ARID5A: variants seen among roughly 807,000 people sequenced by gnomAD.
ARID5A encodes the protein AT-rich interaction domain 5A, also known as AT-rich interactive domain-containing protein 5A.
ARID5A carries 14 observed loss-of-function variants against 30.5 expected under a neutral mutation model. The observed-to-expected ratio is 0.46, with a 90% CI of 0.30 to 0.72. The LOEUF (loss-of-function observed/expected upper bound fraction) is 0.72, where lower values mean the gene tolerates loss of function less well. Ranked by LOEUF, ARID5A falls within the 30% of genes least tolerant of loss-of-function variation. The pLI is 0.07. For synonymous variants in ARID5A, 338 were observed against 340.4 expected (o/e 0.99, Z 0.08); for missense variants, 669 against 786.2 (o/e 0.85, Z 1.78).
rs2104702454 is a variant in ARID5A, at chr2:96,549,852, G to A, written c.312+47G>A. The A allele has an allele frequency of 6.3e-7, 1 of 1,595,102 alleles. No homozygotes were observed. The highest frequency in any genetic ancestry group is 8.5e-7 in the Non-Finnish European group (1 of 1,169,696). On this transcript the variant is annotated intron_variant, in intron 4 of 6. Coordinates refer to ENST00000357485, the MANE Select transcript of ARID5A (RefSeq NM_212481.3). The surrounding 1 kb of genome is among the most constrained non-coding windows in gnomAD (Gnocchi z 6.1). ...CCTTGCCAAACTGCATATCCCTGGGGTGAGCCTGCAGCGCTGTCCTTGCCT... is the reference window on the plus strand; with the variant it reads ...CCTTGCCAAACTGCATATCCCTGGGATGAGCCTGCAGCGCTGTCCTTGCCT...
Position 96,552,004 on chromosome 2 carries a change from G to C in ARID5A, c.1476G>C (p.Leu492=), listed in dbSNP as rs1003761435. The C allele has an allele frequency of 2.0e-6, 3 of 1,522,904 alleles. No individual in the cohort carries two copies. In the African/African-American group the frequency reaches 4.2e-5, roughly 21 times the overall value. 94.3% of individuals were successfully genotyped at this position (1,522,904 alleles called of 1,614,324 possible). Residue 492 remains leucine, a synonymous_variant, in exon 7 of 7, where the codon CTG becomes CTC. Transcript: ENST00000357485. Reference sequence around the variant, plus strand: ...TCTCCTGCCTTCTGGGCCCAGCCCTGGGGCCTGTGCCCCCAGAGGCCTACA... The same window carrying C: ...TCTCCTGCCTTCTGGGCCCAGCCCTCGGGCCTGTGCCCCCAGAGGCCTACA... ...GLVSCLLGPA[L]GPVPPEAYRG...
intron 1 of ARID5A, among the ~76,000 whole-genome samples, chr2:96,542,024 G>A (rs1279335307): frequency 6.6e-6 from 1 of 152,210 alleles, no homozygotes; most frequent in African/African-American, 2.4e-5. Flanking sequence ...CTGCCTGCCT[G>A]GCTCCCAGCT....
rs764750028 is a variant in ARID5A, at chr2:96,552,160, C to G, written c.1632C>G (p.Pro544=). Residue 544 remains proline (P), a synonymous_variant, in exon 7 of 7, where the codon CCC becomes CCG. Coordinates refer to ENST00000357485, the MANE Select transcript of ARID5A (RefSeq NM_212481.3). Reference sequence around the variant, plus strand: ...CCCACTTCCTGGCCACCGCAGGCCCCTCGCCCATGGCCGCTGGCCTGATGC... The same window carrying G: ...CCCACTTCCTGGCCACCGCAGGCCCGTCGCCCATGGCCGCTGGCCTGATGC... ...FPAHFLATAG[P]SPMAAGLMHF... 4.3e-6 allele frequency: 7 copies of G among 1,613,108 alleles called. No individual in the cohort carries two copies. Among genetic ancestry groups the G allele is most frequent in the African/African-American group, 1.3e-5 (1 of 74,954 alleles).
intron 1 of ARID5A, among the ~76,000 whole-genome samples, chr2:96,540,471 G>A (rs1306129961): frequency 6.6e-6 from 1 of 152,136 alleles, no homozygotes; most frequent in African/African-American, 2.4e-5. Flanking sequence ...TGAGGAAATC[G>A]CAGGGGGGCT....
At chr2:96,547,359 C>G in intron 1 of ARID5A, 43 bp from the exon 2 acceptor site, 1 of 1,552,384 alleles carries the variant, frequency 6.4e-7, no homozygotes, top group Non-Finnish European at 8.9e-7. Flanking sequence ...CATATGCTCT[C>G]TCCCCACCCC....
chr2:96,545,445 C>T (rs373807630), intron 1 of ARID5A, among the ~76,000 whole-genome samples: 3 of 151,992 alleles, frequency 2.0e-5, no homozygotes, highest in African/African-American at 4.8e-5. Context: ...CGTGAGCCAC[C>T]GCGCCCATCC....
intron 1 of ARID5A, among the ~76,000 whole-genome samples, chr2:96,543,462 G>A (rs1351004792): frequency 1.3e-5 from 2 of 151,832 alleles, no homozygotes; most frequent in Non-Finnish European, 1.5e-5. Flanking sequence ...TTTGTGTCTC[G>A]GTGTCACATT....
intron 1 of ARID5A, among the ~76,000 whole-genome samples, chr2:96,546,024 A>C (rs1022532424): frequency 2.0e-5 from 3 of 152,054 alleles, no homozygotes; most frequent in African/African-American, 7.2e-5. Flanking sequence ...TGCCACAGTC[A>C]CCCCAGCCCA....
intron 2 of ARID5A, among the ~76,000 whole-genome samples, chr2:96,548,802 C>A: frequency 6.6e-6 from 1 of 152,234 alleles, no homozygotes; most frequent in East Asian, 1.9e-4. Flanking sequence ...TCCCTGTGCT[C>A]AGCACGGCAG....
intron 1 of ARID5A, among the ~76,000 whole-genome samples, chr2:96,542,918 G>A (rs1262573090): frequency 5.3e-5 from 8 of 152,128 alleles, no homozygotes; most frequent in Non-Finnish European, 1.5e-5. Flanking sequence ...AGGAATTCAC[G>A]GATAGCTAGC....
At chr2:96,538,037 A>G (rs1409282271) in intron 1 of ARID5A, 4 of 985,244 alleles carry the variant, frequency 4.1e-6, no homozygotes, top group Non-Finnish European at 3.6e-6. Flanking sequence ...TCGGGGCTCG[A>G]GGGCTTCACC....
At chr2:96,536,890 G>T in intron 1 of ARID5A, 60 bp downstream of exon 1, 3 of 1,224,390 alleles carry the variant, frequency 2.5e-6, no homozygotes, top group Non-Finnish European at 3.1e-6. Flanking sequence ...GGAGGTTCAA[G>T]GTGCCGGCGC....
chr2:96,549,991 T>C lies in ARID5A; in HGVS notation c.312+186T>C. 1 of 1,534,910 alleles carries C rather than the reference T, an allele frequency of 6.5e-7. No homozygotes were observed. The highest frequency in any genetic ancestry group is 8.7e-7 in the Non-Finnish European group (1 of 1,145,942). On this transcript the variant is annotated intron_variant, in intron 4 of 6. Coordinates refer to ENST00000357485, the MANE Select transcript of ARID5A (RefSeq NM_212481.3). The surrounding 1 kb of genome is among the most constrained non-coding windows in gnomAD (Gnocchi z 6.1). ...GCTTTTCAGCCTTCCCCATCTGTTC[T>C]GCCCGCCCCGTGTTGGGAAAACTGC...
rs2065770520 is a variant in ARID5A, at chr2:96,537,923, A to G, written c.4+1093A>G. 8 of 985,486 alleles carry G rather than the reference A, an allele frequency of 8.1e-6. No homozygotes were observed. Among genetic ancestry groups the G allele is most frequent in the Non-Finnish European group, 9.6e-6 (8 of 829,996 alleles). The allele number at this position is 985,486 out of a possible 1,614,324, so 61.0% of individuals were successfully genotyped here. The stretch of plus-strand genomic sequence containing the variant: ...TGCTCCGCGGGCCCCAGGGGAGGAC[A>G]ACAGGTGCCTCTTGCCCCACCCGGG... On this transcript the variant is annotated intron_variant, in intron 1 of 6. Transcript: ENST00000357485. The surrounding 1 kb of genome is among the most constrained non-coding windows in gnomAD (Gnocchi z 4.8).
In ARID5A at chr2:96,551,567, C is replaced by T. The variant is rs946787729; in HGVS notation, c.1039C>T (p.His347Tyr). Reference sequence around the variant, plus strand: ...CATCTTCAAGGGCTGCTTCTACACCCACCCCACCGAGGTGCTGAAGCCTGT... The same window carrying T: ...CATCTTCAAGGGCTGCTTCTACACCTACCCCACCGAGGTGCTGAAGCCTGT... ...APIFKGCFYTHPTEVLKPVSQ... is the reference protein window; with the variant it reads ...APIFKGCFYTYPTEVLKPVSQ... Residue 347 changes from histidine to tyrosine, a missense_variant, in exon 7 of 7, where the codon CAC becomes TAC. Around this residue, in one of 4 missense-constraint regions of ARID5A, gnomAD observed 548 missense variants for 577.4 expected, o/e 0.95. Transcript: ENST00000357485. 1.2e-6 allele frequency: 2 copies of T among 1,600,142 alleles called. No homozygotes were observed. Among genetic ancestry groups the T allele is most frequent in the Admixed American group, 3.5e-5 (2 of 56,838 alleles).
At chr2:96,543,868 C>T (rs1356853712) in intron 1 of ARID5A, among the ~76,000 whole-genome samples, 1 of 152,228 alleles carries the variant, frequency 6.6e-6, no homozygotes. Flanking sequence ...AGGCCGAAAG[C>T]TAGGCCTCTT....
intron 1 of ARID5A, 140 bp downstream of exon 1, chr2:96,536,970 G>C (rs1203846967): frequency 9.0e-7 from 1 of 1,107,878 alleles, no homozygotes; most frequent in East Asian, 3.3e-5. Context: ...GGTGGGTTTC[G>C]GGGCGCGGGC....
Position 96,551,812 on chromosome 2 carries a change from C to T in ARID5A, c.1284C>T (p.Ser428=). 1 of 1,591,324 alleles carries T rather than the reference C, an allele frequency of 6.3e-7. No homozygotes were observed. Among genetic ancestry groups the T allele is most frequent in the Non-Finnish European group, 8.5e-7 (1 of 1,170,514 alleles). ...CCATGGCCAAGGTCCCAGCCGAGAG[C>T]CCCACGCTCCCGCCCACCTTCCCCA... ...VSPMAKVPAE[S]PTLPPTFPSS... is the part of the protein sequence containing the mutation. The change falls in exon 7 of 7, where the codon AGC becomes AGT. Residue 428 remains serine (S), a synonymous_variant. Transcript: ENST00000357485.
chr2:96,541,035 G>A (rs1017130243), intron 1 of ARID5A, among the ~76,000 whole-genome samples: 18 of 148,704 alleles, frequency 1.2e-4, no homozygotes, highest in South Asian at 4.2e-4. Flanking sequence ...GTGAGCCACC[G>A]CACCTGGCCT....
Sources: allele counts gnomAD v4.1 joint callset (sites outside exome capture counted in the v4.1 genomes callset), GRCh38; gene constraint gnomAD v4.1.1; regional missense constraint gnomAD v4.1.1; non-coding constraint Gnocchi (gnomAD v3.1); transcripts MANE v1.5; gene names NCBI Gene and HGNC (gene_info 2026-07-23, HGNC 2026-07-21).